The following ACOXL variants were observed in gnomAD, a reference collection of about 807,000 sequenced individuals.
The protein encoded by ACOXL is acyl-CoA oxidase like, also known as acyl-coenzyme A oxidase-like protein.
ACOXL carries 70 observed loss-of-function variants against 71.9 expected under a neutral mutation model. The ratio of observed to expected loss-of-function variants is 0.97; its 90% CI spans 0.80 to 1.19. The LOEUF (loss-of-function observed/expected upper bound fraction) is 1.19. Among genes scored for constraint, ACOXL ranks in the 50% most tolerant of loss-of-function variants. ACOXL has a pLI of 0.00. For synonymous variants in ACOXL, 253 were observed against 281.6 expected (o/e 0.90, Z 1.02); for missense variants, 703 against 736.3 (o/e 0.95, Z 0.52).
chr2:110,935,508 C>A (rs2060628449), intron 12 of ACOXL, among the ~76,000 whole-genome samples: 2 of 152,150 alleles, frequency 1.3e-5, no homozygotes, highest in African/African-American at 2.4e-5. Flanking sequence ...AGTGATCCAG[C>A]CTGTCATGTT....
chr2:110,984,576 T>C (rs1291137129), intron 12 of ACOXL, among the ~76,000 whole-genome samples: 2 of 152,240 alleles, frequency 1.3e-5, no homozygotes, highest in African/African-American at 4.8e-5. Context: ...AAGTGAGTAA[T>C]CTGCTTTTGT....
chr2:111,045,641 C>T (rs1047240821), intron 15 of ACOXL, among the ~76,000 whole-genome samples: 1 of 152,150 alleles, frequency 6.6e-6, no homozygotes, highest in Admixed American at 6.5e-5. Context: ...TAATGGTTTT[C>T]ACCCCCTCTT....
chr2:110,841,557 G>T (rs554489210), intron 10 of ACOXL, 152 bp downstream of exon 10: 3 of 628,984 alleles, frequency 4.8e-6, no homozygotes, highest in Non-Finnish European at 8.3e-6. Context: ...TGCTTGATTG[G>T]CAAGAGCACA....
intron 12 of ACOXL, among the ~76,000 whole-genome samples, chr2:110,935,325 C>T (rs1007773600): frequency 2.6e-5 from 4 of 152,136 alleles, no homozygotes; most frequent in Non-Finnish European, 5.9e-5. Flanking sequence ...GGGTCTCTCA[C>T]CCCCAGGCCT....
At chr2:111,098,455 T>C (rs540575239) in intron 17 of ACOXL, 1 of 152,324 alleles carries the variant, frequency 6.6e-6, no homozygotes, top group East Asian at 1.9e-4. Flanking sequence ...ACCTGCCTAG[T>C]ACCCATTAAA....
At chr2:111,001,042 C>A (rs1217741795) in intron 14 of ACOXL, among the ~76,000 whole-genome samples, 3 of 152,194 alleles carry the variant, frequency 2.0e-5, no homozygotes, top group African/African-American at 7.2e-5. Context: ...CTGTAAAATT[C>A]TTTAAGAACC....
At chr2:111,098,174 C>T (rs1260996486) in intron 17 of ACOXL, among the ~76,000 whole-genome samples, 1 of 152,186 alleles carries the variant, frequency 6.6e-6, no homozygotes, top group African/African-American at 2.4e-5. Flanking sequence ...TGAGAAAACA[C>T]ATCAGACAAA....
intron 14 of ACOXL, chr2:111,016,602 A>G (rs566441312): frequency 1.3e-5 from 2 of 152,360 alleles, no homozygotes; most frequent in East Asian, 3.9e-4. Flanking sequence ...GGAAGAAGCA[A>G]TGGCTAATGA....
intron 14 of ACOXL, among the ~76,000 whole-genome samples, chr2:111,021,105 C>A (rs114508751): frequency 1.6e-3 from 237 of 152,300 alleles, no homozygotes; most frequent in African/African-American, 5.1e-3. Context: ...TGTCACCTGC[C>A]ACATTCTGAG....
chr2:110,978,456 C>T (rs1490678998), intron 12 of ACOXL, among the ~76,000 whole-genome samples: 2 of 152,058 alleles, frequency 1.3e-5, no homozygotes, highest in Non-Finnish European at 2.9e-5. Flanking sequence ...TTTTACAGAC[C>T]GCAGAGAAGT....
chr2:111,045,593 A>G (rs552363028), intron 15 of ACOXL, among the ~76,000 whole-genome samples: 1 of 152,014 alleles, frequency 6.6e-6, no homozygotes, highest in Non-Finnish European at 1.5e-5. Context: ...TCTTTCCTTT[A>G]TAAATTACCC....
intron 12 of ACOXL, among the ~76,000 whole-genome samples, chr2:110,949,333 CTT>C (rs1426311180): frequency 2.6e-5 from 4 of 152,162 alleles, no homozygotes; most frequent in Admixed American, 6.5e-5. Context: ...CAGCCAGACT[CTT>C]TGCTCAAGAG....
At chr2:110,757,981 A>T (rs1277918545) in intron 1 of ACOXL, among the ~76,000 whole-genome samples, 1 of 152,092 alleles carries the variant, frequency 6.6e-6, no homozygotes, top group African/African-American at 2.4e-5. Flanking sequence ...CTATGTCCTG[A>T]ATGATATTCC....
chr2:111,013,393 G>A (rs371519578), intron 14 of ACOXL, among the ~76,000 whole-genome samples: 230 of 151,614 alleles, frequency 1.5e-3, no homozygotes, highest in African/African-American at 5.3e-3. Context: ...GTGTTGTGGC[G>A]GGCACCTGTA....
At chr2:110,800,898 C>T (rs538583234) in intron 7 of ACOXL, among the ~76,000 whole-genome samples, 28 of 152,296 alleles carry the variant, frequency 1.8e-4, no homozygotes, top group African/African-American at 6.7e-4. Context: ...TCGTGCCAGG[C>T]ATTGAAAACA....
chr2:110,815,785 C>T (rs1687839763), intron 9 of ACOXL, among the ~76,000 whole-genome samples: 1 of 152,158 alleles, frequency 6.6e-6, no homozygotes, highest in Non-Finnish European at 1.5e-5. Context: ...TGCCCAAGGG[C>T]TTCTGTGGAA....
At chr2:110,894,513 C>A (rs1177483678) in intron 10 of ACOXL, among the ~76,000 whole-genome samples, 1 of 152,110 alleles carries the variant, frequency 6.6e-6, no homozygotes, top group Non-Finnish European at 1.5e-5. Context: ...GACTTCTGCC[C>A]TCCCCAGGCT....
At chr2:110,921,385 T>TCCC (rs1218740817) in intron 11 of ACOXL, among the ~76,000 whole-genome samples, 61 of 115,898 alleles carry the variant, frequency 5.3e-4, no homozygotes, top group Non-Finnish European at 8.2e-4. Context: ...TCTCTATATA[T>TCCC]CCACCCCCCC....
At chr2:111,111,419 T>G (rs2069949132) in intron 17 of ACOXL, among the ~76,000 whole-genome samples, 1 of 152,190 alleles carries the variant, frequency 6.6e-6, no homozygotes, top group African/African-American at 2.4e-5. Context: ...ATGAGAAGTG[T>G]GCAGCTAATA....
Sources: allele counts gnomAD v4.1 joint callset (sites outside exome capture counted in the v4.1 genomes callset), GRCh38; gene constraint gnomAD v4.1.1; transcripts MANE v1.5; gene names NCBI Gene and HGNC (gene_info 2026-07-23, HGNC 2026-07-21).